GIGYF2: variants seen among roughly 807,000 people sequenced by gnomAD.
GIGYF2 encodes the protein GRB10-interacting GYF protein 2.
In GIGYF2, 25 loss-of-function variants were observed where a neutral mutation model predicts 208.1. The ratio of observed to expected loss-of-function variants is 0.12; its 90% CI spans 0.09 to 0.17. The LOEUF (loss-of-function observed/expected upper bound fraction) is 0.17, where lower values mean the gene tolerates loss of function less well. Ranked by LOEUF, GIGYF2 falls within the 10% of genes least tolerant of loss-of-function variation. GIGYF2 has a pLI of 1.00. For missense variants in GIGYF2, 1,302 were observed against 1,579.4 expected (o/e 0.82, Z 2.98); for synonymous variants, 534 against 543.8 (o/e 0.98, Z 0.25).
intron 14 of GIGYF2, among the ~76,000 whole-genome samples, chr2:232,797,396 C>T (rs1219609217): frequency 1.3e-5 from 2 of 151,916 alleles, no homozygotes; most frequent in Non-Finnish European, 2.9e-5. Context: ...ATCCCCTTAC[C>T]CTGCCTATTC....
intron 2 of GIGYF2, among the ~76,000 whole-genome samples, chr2:232,710,693 T>A: frequency 3.7e-5 from 2 of 54,646 alleles, no homozygotes; most frequent in Non-Finnish European, 7.1e-5. Flanking sequence ...CTTGGTGTTC[T>A]TTTTTTTTTT....
chr2:232,762,234 T>G (rs1370336133), intron 8 of GIGYF2, among the ~76,000 whole-genome samples: 2 of 109,766 alleles, frequency 1.8e-5, no homozygotes, highest in Non-Finnish European at 4.0e-5. Context: ...GTCTTTTTTT[T>G]TTTGTTTTTT....
intron 17 of GIGYF2, among the ~76,000 whole-genome samples, 164 bp downstream of exon 17, chr2:232,811,515 G>A (rs1270532347): frequency 6.6e-6 from 1 of 152,172 alleles, no homozygotes; most frequent in African/African-American, 2.4e-5. Flanking sequence ...AATATTTCAG[G>A]TGGAGATAAG....
intron 17 of GIGYF2, among the ~76,000 whole-genome samples, chr2:232,811,816 T>G (rs1218880023): frequency 1.3e-5 from 2 of 152,214 alleles, no homozygotes; most frequent in Admixed American, 1.3e-4. Flanking sequence ...AGAGTAATAT[T>G]TCTCCTGAAC....
intron 5 of GIGYF2, among the ~76,000 whole-genome samples, chr2:232,753,138 T>TATTG (rs1253072979): frequency 5.4e-5 from 8 of 147,692 alleles, no homozygotes; most frequent in Non-Finnish European, 1.0e-4. Context: ...TTTATTTATT[T>TATTG]ATTGAGACAG....
intron 2 of GIGYF2, chr2:232,718,984 T>C (rs1361087703): frequency 6.6e-6 from 1 of 151,416 alleles, no homozygotes. Flanking sequence ...GAAATAGAGA[T>C]TTGTAGTAGC....
Position 232,756,215 on chromosome 2 carries a change from TTTGGCAGAGAAAC to T in GIGYF2, c.268-5_275del. On this transcript the variant is annotated splice_acceptor_variant and splice_polypyrimidine_tract_variant and coding_sequence_variant and intron_variant, in exon 6 of 29. Coordinates refer to ENST00000373563, the MANE Select transcript of GIGYF2 (RefSeq NM_001103146.3). LOFTEE classifies it high-confidence loss of function. ...TTTTTCTCTTTTTTTTTTTTTTTTT[TTTGGCAGAGAAAC>T]TTTTCCATGTCTGTAAATAGTGCTG... 1.5e-6 allele frequency: 2 copies of T among 1,348,578 alleles called. No individual in the cohort carries two copies. Among genetic ancestry groups the T allele is most frequent in the Non-Finnish European group, 2.1e-6 (2 of 969,832 alleles). 83.5% of individuals were successfully genotyped at this position (1,348,578 alleles called of 1,614,324 possible).
intron 9 of GIGYF2, among the ~76,000 whole-genome samples, chr2:232,789,499 G>A (rs1015093759): frequency 2.0e-5 from 3 of 152,164 alleles, no homozygotes; most frequent in African/African-American, 7.2e-5. Flanking sequence ...AAATTCCTTA[G>A]TTCTCATAGG....
chr2:232,765,846 A>T, intron 8 of GIGYF2: 1 of 456,008 alleles, frequency 2.2e-6, no homozygotes, highest in Middle Eastern at 3.7e-4. Context: ...TTTTTAGGTA[A>T]CGACATGCCT....
At chr2:232,771,538 G>A (rs914556888) in intron 8 of GIGYF2, 2 of 536,254 alleles carry the variant, frequency 3.7e-6, no homozygotes, top group African/African-American at 3.8e-5. Flanking sequence ...CATTTACTAA[G>A]TCATTCATTT....
At chr2:232,845,217 T>A (rs1701959944) in intron 25 of GIGYF2, among the ~76,000 whole-genome samples, 1 of 152,226 alleles carries the variant, frequency 6.6e-6, no homozygotes, top group Non-Finnish European at 1.5e-5. Flanking sequence ...AATGAATACA[T>A]GATAAGTAGT....
chr2:232,836,624 A>T (rs1288323766), intron 22 of GIGYF2, among the ~76,000 whole-genome samples: 2 of 150,496 alleles, frequency 1.3e-5, no homozygotes, highest in Non-Finnish European at 3.0e-5. Context: ...GATCCACTTA[A>T]ATTCAGGTTT....
chr2:232,704,505 A>G (rs1264725526), intron 2 of GIGYF2, among the ~76,000 whole-genome samples: 3 of 151,666 alleles, frequency 2.0e-5, no homozygotes, highest in Non-Finnish European at 2.9e-5. Flanking sequence ...CCCAGGTTCA[A>G]GTGATTCTTG....
intron 8 of GIGYF2, among the ~76,000 whole-genome samples, chr2:232,784,395 T>C (rs76106738): frequency 5.4e-5 from 6 of 111,000 alleles, no homozygotes; most frequent in African/African-American, 1.2e-4. Flanking sequence ...TCTTTTTTTT[T>C]TTTTTTTTTT....
chr2:232,854,812 A>AC (rs1413238686), intron 28 of GIGYF2, among the ~76,000 whole-genome samples: 1 of 152,184 alleles, frequency 6.6e-6, no homozygotes, highest in Non-Finnish European at 1.5e-5. Flanking sequence ...ACATGAAAAA[A>AC]CAAGAGGCTG....
intron 28 of GIGYF2, among the ~76,000 whole-genome samples, chr2:232,854,660 C>G (rs937168393): frequency 2.0e-5 from 3 of 152,182 alleles, no homozygotes; most frequent in Admixed American, 1.3e-4. Context: ...GCAGTTGGTA[C>G]CACAGCTTTT....
chr2:232,712,897 A>G (rs1183918336), intron 2 of GIGYF2, among the ~76,000 whole-genome samples: 1 of 152,132 alleles, frequency 6.6e-6, no homozygotes, highest in Non-Finnish European at 1.5e-5. Flanking sequence ...TTTTAGTGCT[A>G]AGTAGATAAG....
At chr2:232,719,073 A>G (rs1265640639) in intron 2 of GIGYF2, 3 of 151,958 alleles carry the variant, frequency 2.0e-5, no homozygotes, top group African/African-American at 4.8e-5. Context: ...GCTCACTGCA[A>G]ACTCTGCCTT....
In GIGYF2 at chr2:232,859,828, T is replaced by TGG. The variant is rs1481499090; in HGVS notation, c.*2968_*2969insGG. On this transcript the variant is annotated 3_prime_UTR_variant, in exon 29 of 29. Transcript: ENST00000373563. The stretch of plus-strand genomic sequence containing the variant: ...CTCCGGAATGGCAGCTTCAGAGGAG[T>TGG]TGAACTTAAGTGGTGATTGGCTTCC... 16 of 151,282 alleles carry TGG rather than the reference T, an allele frequency of 1.1e-4. No individual in the cohort carries two copies. The highest frequency in any genetic ancestry group is 3.9e-4 in the African/African-American group (16 of 41,182). 9.4% of individuals were successfully genotyped at this position (151,282 alleles called of 1,614,324 possible).
Sources: allele counts gnomAD v4.1 joint callset (sites outside exome capture counted in the v4.1 genomes callset), GRCh38; gene constraint gnomAD v4.1.1; transcripts MANE v1.5; gene names NCBI Gene and HGNC (gene_info 2026-07-23, HGNC 2026-07-21).